CCDC85A: variants seen among roughly 807,000 people sequenced by gnomAD.
CCDC85A encodes the protein coiled-coil domain-containing protein 85A.
Under a neutral mutation model 50.2 loss-of-function variants are expected in CCDC85A, and 38 were observed. The ratio of observed to expected loss-of-function variants is 0.76; its 90% CI spans 0.58 to 0.99. The LOEUF (loss-of-function observed/expected upper bound fraction) is 0.99, where lower values mean the gene tolerates loss of function less well. Ranked by LOEUF, CCDC85A falls within the 50% of genes least tolerant of loss-of-function variation. The pLI, the probability that CCDC85A is intolerant of heterozygous loss-of-function variation, is 0.00. For missense variants in CCDC85A, 820 were observed against 742.0 expected (o/e 1.11, Z -1.22); for synonymous variants, 366 against 301.4 (o/e 1.21, Z -2.22).
At chr2:56,256,475 A>G (rs2104008486) in intron 2 of CCDC85A, among the ~76,000 whole-genome samples, 1 of 152,354 alleles carries the variant, frequency 6.6e-6, no homozygotes, top group Admixed American at 6.5e-5. Flanking sequence ...CTAGCTGTGA[A>G]TTACCTAAAG....
rs10579579 is a variant in CCDC85A at position 56,273,687 on chromosome 2, A to AATAT, written c.1241-69173_1241-69170dup. Among the ~76,000 whole-genome samples, 581 of 148,330 alleles carry AATAT rather than the reference A, an allele frequency of 3.9e-3. 3 individuals are homozygous for AATAT. Among genetic ancestry groups the AATAT allele is most frequent in the African/African-American group, 0.011 (457 of 40,414 alleles). On this transcript the variant is annotated intron_variant, in intron 2 of 5. Transcript: ENST00000407595. ...GAAAAAAGGAGAACATGGGTTTCAG[A>AATAT]ATATATATATATATATATATATCAC...
chr2:56,307,738 G>A (rs966539317), intron 2 of CCDC85A, among the ~76,000 whole-genome samples: 1 of 152,082 alleles, frequency 6.6e-6, no homozygotes, highest in Non-Finnish European at 1.5e-5. Flanking sequence ...AAAACACCAG[G>A]ATTAAAACGC....
chr2:56,330,611 A>C (rs1021860695), intron 2 of CCDC85A, among the ~76,000 whole-genome samples: 1 of 152,174 alleles, frequency 6.6e-6, no homozygotes, highest in Non-Finnish European at 1.5e-5. Context: ...GCAAAGTTTC[A>C]CCATATGGAG....
chr2:56,216,816 T>G (rs1677414048), intron 2 of CCDC85A, among the ~76,000 whole-genome samples: 1 of 151,746 alleles, frequency 6.6e-6, no homozygotes, highest in South Asian at 2.1e-4. Context: ...GAGAACTATT[T>G]GCCTGAAATT....
At chr2:56,294,409 C>G (rs1301378884) in intron 2 of CCDC85A, among the ~76,000 whole-genome samples, 3 of 152,168 alleles carry the variant, frequency 2.0e-5, no homozygotes, top group Non-Finnish European at 4.4e-5. Flanking sequence ...TGTAACAAAC[C>G]TGCGCGTCCT....
At chr2:56,208,039 A>G (rs1677024856) in intron 2 of CCDC85A, among the ~76,000 whole-genome samples, 1 of 152,152 alleles carries the variant, frequency 6.6e-6, no homozygotes, top group African/African-American at 2.4e-5. Context: ...TTTCTTAGTC[A>G]CATGTCTGCT....
chr2:56,370,629 A>G (rs1676025313), intron 3 of CCDC85A, among the ~76,000 whole-genome samples: 1 of 152,152 alleles, frequency 6.6e-6, no homozygotes, highest in South Asian at 2.1e-4. Flanking sequence ...TGTTTTATGT[A>G]GTATCTACTT....
intron 2 of CCDC85A, among the ~76,000 whole-genome samples, chr2:56,248,277 G>A (rs1013069155): frequency 1.3e-5 from 2 of 152,192 alleles, no homozygotes; most frequent in African/African-American, 4.8e-5. Context: ...GGCTGGCTCT[G>A]GAACGGTCTC....
At chr2:56,268,570 G>A (rs1433783326) in intron 2 of CCDC85A, among the ~76,000 whole-genome samples, 1 of 131,324 alleles carries the variant, frequency 7.6e-6, no homozygotes, top group African/African-American at 2.8e-5. Flanking sequence ...ATTCCAGCCT[G>A]AGCAACAGAG....
At chr2:56,295,992 G>A (rs1198806395) in intron 2 of CCDC85A, among the ~76,000 whole-genome samples, 1 of 152,166 alleles carries the variant, frequency 6.6e-6, no homozygotes, top group Non-Finnish European at 1.5e-5. Flanking sequence ...TCTTACATAT[G>A]CGATAAAGAG....
At chr2:56,369,519 C>A (rs17047851) in intron 3 of CCDC85A, among the ~76,000 whole-genome samples, 2 of 151,944 alleles carry the variant, frequency 1.3e-5, no homozygotes, top group Non-Finnish European at 2.9e-5. Flanking sequence ...ATGCAAATGT[C>A]CATATGTGAA....
At chr2:56,301,058 T>A (rs1019670759) in intron 2 of CCDC85A, among the ~76,000 whole-genome samples, 3 of 152,214 alleles carry the variant, frequency 2.0e-5, no homozygotes, top group African/African-American at 7.2e-5. Context: ...CTTTCCAAGC[T>A]GCAAATAAAA....
At chr2:56,361,554 G>A (rs973887633) in intron 3 of CCDC85A, among the ~76,000 whole-genome samples, 2 of 152,146 alleles carry the variant, frequency 1.3e-5, no homozygotes, top group South Asian at 4.1e-4. Context: ...ACTAGAGTAC[G>A]ATAATATTTA....
At chr2:56,259,341 G>A (rs1474710568) in intron 2 of CCDC85A, among the ~76,000 whole-genome samples, 1 of 152,156 alleles carries the variant, frequency 6.6e-6, no homozygotes, top group African/African-American at 2.4e-5. Context: ...GAGGAGACAT[G>A]AGAGAAAGCT....
In CCDC85A at chr2:56,265,941, A is replaced by C. The variant is rs538714734; in HGVS notation, c.1240+72501A>C. 1.1e-4 allele frequency among the ~76,000 whole-genome samples: 16 copies of C among 152,362 alleles called. No individual in the cohort carries two copies. In the East Asian group the frequency reaches 3.1e-3, roughly 29 times the overall value. On this transcript the variant is annotated intron_variant, in intron 2 of 5. Transcript: ENST00000407595. The stretch of plus-strand genomic sequence containing the variant: ...AATTTTAAAAATGTAGAATATATAC[A>C]CAATGGCATACTATTCAGTCTTTAA...
At chr2:56,278,559 C>T (rs1671065855) in intron 2 of CCDC85A, among the ~76,000 whole-genome samples, 1 of 151,940 alleles carries the variant, frequency 6.6e-6, no homozygotes, top group African/African-American at 2.4e-5. Flanking sequence ...GTAGCCTGGT[C>T]TATTTTTATT....
At chr2:56,345,293 C>T (rs1674581212) in intron 3 of CCDC85A, among the ~76,000 whole-genome samples, 1 of 152,072 alleles carries the variant, frequency 6.6e-6, no homozygotes. Context: ...TGATATGTAG[C>T]ATTACAAAAG....
At chr2:56,253,497 A>T (rs563505848) in intron 2 of CCDC85A, among the ~76,000 whole-genome samples, 1 of 152,172 alleles carries the variant, frequency 6.6e-6, no homozygotes, top group African/African-American at 2.4e-5. Context: ...GCCATAGTAC[A>T]GGTTTCATCT....
chr2:56,364,292 C>T (rs1257490281), intron 3 of CCDC85A, among the ~76,000 whole-genome samples: 1 of 151,880 alleles, frequency 6.6e-6, no homozygotes, highest in Non-Finnish European at 1.5e-5. Context: ...TGTAAAAAGG[C>T]ATCCTGCTAA....
Sources: allele counts gnomAD v4.1 joint callset (sites outside exome capture counted in the v4.1 genomes callset), GRCh38; gene constraint gnomAD v4.1.1; transcripts MANE v1.5; gene names NCBI Gene and HGNC (gene_info 2026-07-23, HGNC 2026-07-21).